The following FAM117A variants were observed in gnomAD, a reference collection of about 807,000 sequenced individuals.
FAM117A encodes the protein protein FAM117A.
Under a neutral mutation model 44.1 loss-of-function variants are expected in FAM117A, and 21 were observed. The ratio of observed to expected loss-of-function variants is 0.48; its 90% CI spans 0.34 to 0.69. FAM117A has a LOEUF of 0.69. FAM117A is among the 30% of genes least tolerant of loss of function. The pLI, the probability that FAM117A is intolerant of heterozygous loss-of-function variation, is 0.01. For missense variants in FAM117A, 498 were observed against 589.9 expected (o/e 0.84, Z 1.61); for synonymous variants, 220 against 238.3 (o/e 0.92, Z 0.71).
In FAM117A at chr17:49,764,099, C is replaced by A. The variant is rs373554983; in HGVS notation, c.-12G>T. 4.9e-4 allele frequency: 623 copies of A among 1,258,646 alleles called. 4 individuals carry two copies. In the East Asian group the frequency reaches 0.012, roughly 23 times the overall value. The allele number at this position is 1,258,646 out of a possible 1,614,324, so 78.0% of individuals were successfully genotyped here. Reference sequence around the variant, plus strand: ...GCGGCCCCCGCCATGGCTCTCCCGGCTGCCTGCCTCAGCCCCACTGCGAGA... The same window carrying A: ...GCGGCCCCCGCCATGGCTCTCCCGGATGCCTGCCTCAGCCCCACTGCGAGA... On this transcript the variant is annotated 5_prime_UTR_variant, in exon 1 of 8. Coordinates refer to ENST00000240364, the MANE Select transcript of FAM117A (RefSeq NM_030802.4).
intron 1 of FAM117A, among the ~76,000 whole-genome samples, chr17:49,736,423 AT>A (rs1394001746): frequency 6.6e-6 from 1 of 151,962 alleles, no homozygotes; most frequent in East Asian, 1.9e-4. Context: ...TGCCCGGCTA[AT>A]TTTTTTGTAT....
At chr17:49,767,778 C>T (rs1270115057), upstream of FAM117A, among the ~76,000 whole-genome samples, 1 of 152,100 alleles carries the variant, frequency 6.6e-6, no homozygotes, top group Admixed American at 6.6e-5. Context: ...GTGGCAGGTG[C>T]CTGTAATCCC....
At chr17:49,788,746 C>G, upstream of FAM117A, 1 of 1,436,006 alleles carries the variant, frequency 7.0e-7, no homozygotes. Context: ...GGGACTGATA[C>G]AGAGGCCGCC....
intron 3 of FAM117A, 69 bp downstream of exon 3, chr17:49,722,430 G>T (rs1378008028): frequency 4.0e-6 from 5 of 1,235,190 alleles, no homozygotes; most frequent in Non-Finnish European, 5.8e-6. Context: ...TGGAGCAGAT[G>T]CATTGCATGG....
chr17:49,788,831 G>C (rs372806571), upstream of FAM117A: 23 of 1,585,538 alleles, frequency 1.5e-5, no homozygotes, highest in South Asian at 2.4e-4. Flanking sequence ...CGCAGCCGCC[G>C]GCAATGCCGC....
At chr17:49,733,449 G>C (rs1281898357) in intron 1 of FAM117A, among the ~76,000 whole-genome samples, 6 of 151,742 alleles carry the variant, frequency 4.0e-5, no homozygotes, top group Non-Finnish European at 5.9e-5. Flanking sequence ...GAGGTGGGCA[G>C]ATCACTTGAG....
chr17:49,782,244 G>T (rs1321598434), intron 1 of FAM117A, among the ~76,000 whole-genome samples: 1 of 151,776 alleles, frequency 6.6e-6, no homozygotes, highest in East Asian at 1.9e-4. Flanking sequence ...CAGTGTGGTG[G>T]TGGGCGCCTG....
intron 1 of FAM117A, 97 bp from the exon 2 acceptor site, chr17:49,732,817 C>T (rs1200546167): frequency 1.8e-5 from 23 of 1,291,588 alleles, no homozygotes; most frequent in African/African-American, 8.8e-5. Flanking sequence ...CTGCCTGCCC[C>T]GTCTTCACTC....
At chr17:49,786,903 G>C (rs576308083) in intron 1 of FAM117A, among the ~76,000 whole-genome samples, 2 of 152,116 alleles carry the variant, frequency 1.3e-5, no homozygotes, top group African/African-American at 4.8e-5. Context: ...GGGCAGCATG[G>C]TGAAACTCTG....
chr17:49,716,107 G>A (rs1013780468), intron 7 of FAM117A, 58 bp downstream of exon 7: 1 of 1,580,698 alleles, frequency 6.3e-7, no homozygotes, highest in Admixed American at 1.7e-5. Context: ...GACTGAAGAA[G>A]GTGGGAGAAT....
chr17:49,711,007 G>A lies in FAM117A; in HGVS notation c.*248C>T. On this transcript the variant is annotated 3_prime_UTR_variant, in exon 8 of 8. Transcript: ENST00000240364. The stretch of plus-strand genomic sequence containing the variant: ...TTCTGGGTGTTTTCCACCAAGTGAG[G>A]GATGTGGCAGGTACACAGGTGTGAA... 5.0e-6 allele frequency: 2 copies of A among 402,566 alleles called. No homozygotes were observed. Among genetic ancestry groups the A allele is most frequent in the African/African-American group, 4.1e-5 (2 of 48,528 alleles). 24.9% of individuals were successfully genotyped at this position (402,566 alleles called of 1,614,324 possible).
intron 1 of FAM117A, among the ~76,000 whole-genome samples, chr17:49,785,874 G>A (rs1455484275): frequency 6.6e-6 from 1 of 152,202 alleles, no homozygotes; most frequent in Non-Finnish European, 1.5e-5. Flanking sequence ...AAAATAGAAA[G>A]GCAAGGAGAA....
chr17:49,764,465 C>A (rs2073738341), upstream of FAM117A, among the ~76,000 whole-genome samples: 1 of 108,206 alleles, frequency 9.2e-6, no homozygotes, highest in Non-Finnish European at 2.6e-5. Context: ...TATAATGTCA[C>A]GTGACGTCAG....
chr17:49,724,334 A>G, intron 2 of FAM117A: 1 of 455,982 alleles, frequency 2.2e-6, no homozygotes. Context: ...TAGAGGGATG[A>G]CAAAAGCTAA....
At chr17:49,784,886 G>C (rs568251949) in intron 1 of FAM117A, among the ~76,000 whole-genome samples, 1 of 152,290 alleles carries the variant, frequency 6.6e-6, no homozygotes, top group South Asian at 2.1e-4. Flanking sequence ...CTCAGTGCCT[G>C]GTACCTGGGT....
chr17:49,740,983 A>G (rs1348237258), intron 1 of FAM117A, among the ~76,000 whole-genome samples: 1 of 152,198 alleles, frequency 6.6e-6, no homozygotes, highest in Non-Finnish European at 1.5e-5. Flanking sequence ...CAAGCCCCTG[A>G]CCAGTGGGTT....
chr17:49,755,038 CA>C (rs199709334), intron 1 of FAM117A, among the ~76,000 whole-genome samples: 5,202 of 43,276 alleles, frequency 0.12, 64 homozygotes, highest in East Asian at 0.3. Context: ...AACTCCGTCT[CA>C]AAAAAAAAAA....
At chr17:49,719,217 C>T (rs1004921518) in intron 5 of FAM117A, among the ~76,000 whole-genome samples, 2 of 151,946 alleles carry the variant, frequency 1.3e-5, no homozygotes, top group East Asian at 1.9e-4. Flanking sequence ...GCTGAGATCG[C>T]GCCACTGCAC....
chr17:49,712,231 T>C (rs967194645), intron 7 of FAM117A, among the ~76,000 whole-genome samples: 1 of 152,330 alleles, frequency 6.6e-6, no homozygotes, highest in Non-Finnish European at 1.5e-5. Context: ...CAAAGCCAAG[T>C]GACTAAAGTG....
Sources: allele counts gnomAD v4.1 joint callset (sites outside exome capture counted in the v4.1 genomes callset), GRCh38; gene constraint gnomAD v4.1.1; transcripts MANE v1.5; gene names NCBI Gene and HGNC (gene_info 2026-07-23, HGNC 2026-07-21).